The following ERC1 variants were observed in gnomAD, a reference collection of about 807,000 sequenced individuals.
ERC1 encodes ELKS/RAB6-interacting/CAST family member 1.
Under a neutral mutation model 132.0 loss-of-function variants are expected in ERC1, and 56 were observed. The ratio of observed to expected loss-of-function variants is 0.42; its 90% CI spans 0.34 to 0.53. The LOEUF is 0.53. Among genes scored for constraint, ERC1 ranks in the 20% least tolerant of loss-of-function variants. The pLI, the probability that ERC1 is intolerant of heterozygous loss-of-function variation, is 0.03. For missense variants in ERC1, 1,202 were observed against 1,349.9 expected (o/e 0.89, Z 1.72); for synonymous variants, 478 against 476.1 (o/e 1.00, Z -0.05).
At chr12:1,351,105 A>G (rs1390362855) in intron 15 of ERC1, among the ~76,000 whole-genome samples, 2 of 152,190 alleles carry the variant, frequency 1.3e-5, no homozygotes, top group South Asian at 2.1e-4. Flanking sequence ...TCAAATTTCA[A>G]CATGAGTTTT....
chr12:1,191,676 G>A (rs190948895), intron 12 of ERC1, among the ~76,000 whole-genome samples: 57 of 152,238 alleles, frequency 3.7e-4, no homozygotes, highest in African/African-American at 1.2e-3. Context: ...ACACCAAATA[G>A]CAGCTTTTAT....
intron 13 of ERC1, among the ~76,000 whole-genome samples, chr12:1,246,547 T>G (rs1385127230): frequency 6.6e-6 from 1 of 152,232 alleles, no homozygotes; most frequent in African/African-American, 2.4e-5. Context: ...GTGTGAAAGT[T>G]TGAGGTTAAA....
intron 15 of ERC1, among the ~76,000 whole-genome samples, chr12:1,360,646 G>T (rs1029113994): frequency 6.6e-6 from 1 of 152,144 alleles, no homozygotes; most frequent in Non-Finnish European, 1.5e-5. Context: ...AGCTTAAAGA[G>T]AAATTTGGCA....
intron 12 of ERC1, among the ~76,000 whole-genome samples, chr12:1,236,541 C>T (rs537186794): frequency 3.9e-5 from 6 of 152,162 alleles, no homozygotes; most frequent in South Asian, 2.1e-4. Context: ...CATTGTTCTT[C>T]GTAGAATACA....
intron 8 of ERC1, among the ~76,000 whole-genome samples, chr12:1,154,903 A>G (rs77012360): frequency 0.048 from 7,387 of 152,338 alleles, 302 homozygotes; most frequent in Admixed American, 0.13. Context: ...AAGTTAAAAA[A>G]TAATAGCTGG....
At chr12:1,444,937 A>G (rs1038771141) in intron 18 of ERC1, 187 bp downstream of exon 18, 8 of 356,452 alleles carry the variant, frequency 2.2e-5, no homozygotes, top group Admixed American at 8.9e-5. Flanking sequence ...CCATGTTTAG[A>G]TTCAAGATTT....
At chr12:1,333,103 A>AC (rs1264133818) in intron 15 of ERC1, among the ~76,000 whole-genome samples, 3 of 110,420 alleles carry the variant, frequency 2.7e-5, no homozygotes, top group Admixed American at 8.6e-5. Flanking sequence ...TCCTCCTCTC[A>AC]CCCCCCCTCC....
Position 1,302,296 on chromosome 12 carries a change from C to T in ERC1, c.2780+12284C>T, listed in dbSNP as rs560534180. Among the ~76,000 whole-genome samples, 4 of 152,206 alleles carry T rather than the reference C, an allele frequency of 2.6e-5. No individual in the cohort carries two copies. In the South Asian group the frequency reaches 6.2e-4, roughly 24 times the overall value. On this transcript the variant is annotated intron_variant, in intron 15 of 18. Coordinates refer to ENST00000360905, the MANE Select transcript of ERC1 (RefSeq NM_178040.4). Reference sequence around the variant, plus strand: ...CAGAAAGGCTTTTAATAAAAGGCAACACCCATTTATGATAAAATATCTTAG... The same window carrying T: ...CAGAAAGGCTTTTAATAAAAGGCAATACCCATTTATGATAAAATATCTTAG...
chr12:1,260,034 C>G (rs536139081), intron 13 of ERC1, among the ~76,000 whole-genome samples: 42 of 152,228 alleles, frequency 2.8e-4, no homozygotes, highest in African/African-American at 1.0e-3. Context: ...CACCACTCAC[C>G]TATGGTAGAG....
intron 18 of ERC1, chr12:1,480,705 G>GAT: frequency 1.7e-6 from 1 of 602,650 alleles, no homozygotes; most frequent in South Asian, 1.9e-5. Context: ...CCTGCCTTGA[G>GAT]GAGGTGAGGA....
At chr12:1,390,514 T>C (rs995716880) in intron 16 of ERC1, 1 of 152,154 alleles carries the variant, frequency 6.6e-6, no homozygotes, top group South Asian at 2.1e-4. Flanking sequence ...ACTATTAATC[T>C]AAATGGGAAG....
chr12:1,002,160 C>CT lies in ERC1; in HGVS notation c.-157+10871dup, dbSNP rs71055117. 6.1e-3 allele frequency among the ~76,000 whole-genome samples: 235 copies of CT among 38,482 alleles called. 38 individuals are homozygous for CT. The highest frequency in any genetic ancestry group is 8.5e-3 in the African/African-American group (77 of 9,086). The allele number at this position is 38,482 out of a possible 152,430, so 25.2% of individuals were successfully genotyped here. A position where few individuals can be genotyped will look rare whatever the true frequency, so the allele number is the denominator to read the frequency against. On this transcript the variant is annotated intron_variant, in intron 1 of 18. Coordinates refer to ENST00000360905, the MANE Select transcript of ERC1 (RefSeq NM_178040.4). The stretch of plus-strand genomic sequence containing the variant: ...CACAGGTGTGAGCCACCATGCCCGG[C>CT]TTTTTTTTTTTTTTTTTTTTTTTTT...
chr12:1,469,093 A>G (rs964361261), intron 18 of ERC1, among the ~76,000 whole-genome samples: 1 of 152,246 alleles, frequency 6.6e-6, no homozygotes, highest in African/African-American at 2.4e-5. Flanking sequence ...TTGTGCACTA[A>G]CCAAGCACTA....
At chr12:1,435,801 T>C (rs1238039559) in intron 17 of ERC1, among the ~76,000 whole-genome samples, 1 of 152,236 alleles carries the variant, frequency 6.6e-6, no homozygotes, top group Non-Finnish European at 1.5e-5. Context: ...GATTTCTGTA[T>C]GTGACTTGCC....
chr12:1,031,459 A>C (rs1359411464), intron 2 of ERC1, among the ~76,000 whole-genome samples: 2 of 152,124 alleles, frequency 1.3e-5, no homozygotes, highest in Non-Finnish European at 2.9e-5. Context: ...TATTGTATCT[A>C]TTCTAGTTAA....
intron 15 of ERC1, among the ~76,000 whole-genome samples, chr12:1,362,683 A>G (rs1305275905): frequency 6.6e-6 from 1 of 152,202 alleles, no homozygotes. Flanking sequence ...CACAGAAAGT[A>G]GAATCGTGGC....
At chr12:1,032,249 C>T (rs915341656) in intron 2 of ERC1, among the ~76,000 whole-genome samples, 42 of 152,232 alleles carry the variant, frequency 2.8e-4, no homozygotes, top group African/African-American at 9.6e-4. Flanking sequence ...TGAGGTTTCA[C>T]CATGTTGGCC....
rs1325847614 is a variant in ERC1 at position 1,028,444 on chromosome 12, T to G, written c.541T>G (p.Ser181Ala). ...DVEVKESKLS[S>A]SMNSIKTFWS... ...GGAAGTAAAGGAGAGCAAATTGAGT[T>G]CTTCAATGAATAGCATCAAGACCTT... Residue 181 changes from serine to alanine, a missense_variant, in exon 2 of 19, where the codon TCT becomes GCT. Coordinates refer to ENST00000360905, the MANE Select transcript of ERC1 (RefSeq NM_178040.4). 1 of 1,613,992 alleles carries G rather than the reference T, an allele frequency of 6.2e-7. No individual in the cohort carries two copies. Among genetic ancestry groups the G allele is most frequent in the Admixed American group, 1.7e-5 (1 of 59,992 alleles).
At chr12:1,414,547 A>G (rs78464783) in intron 17 of ERC1, among the ~76,000 whole-genome samples, 3,884 of 152,316 alleles carry the variant, frequency 0.025, 197 homozygotes, top group African/African-American at 0.088. Context: ...TTGCTGACTC[A>G]TAGATCTCAG....
Sources: allele counts gnomAD v4.1 joint callset (sites outside exome capture counted in the v4.1 genomes callset), GRCh38; gene constraint gnomAD v4.1.1; transcripts MANE v1.5; gene names NCBI Gene and HGNC (gene_info 2026-07-23, HGNC 2026-07-21).